The following CTDSPL variants were observed in gnomAD, a reference collection of about 807,000 sequenced individuals.
CTDSPL encodes the protein CTD small phosphatase-like protein.
Under a neutral mutation model 30.5 loss-of-function variants are expected in CTDSPL, and 8 were observed. The ratio of observed to expected loss-of-function variants is 0.26; its 90% confidence interval spans 0.15 to 0.47. The LOEUF (loss-of-function observed/expected upper bound fraction) is 0.47, where lower values mean the gene tolerates loss of function less well. Among genes scored for constraint, CTDSPL ranks in the 20% least tolerant of loss-of-function variants. The pLI is 0.99. For missense variants in CTDSPL, 248 were observed against 366.1 expected (o/e 0.68, Z 2.63); for synonymous variants, 110 against 137.9 (o/e 0.80, Z 1.42).
intron 1 of CTDSPL, among the ~76,000 whole-genome samples, chr3:37,880,688 A>C (rs1034728280): frequency 3.9e-5 from 6 of 152,230 alleles, no homozygotes; most frequent in African/African-American, 1.4e-4. Flanking sequence ...GAGAAATGAT[A>C]GGCCTCACTC....
At chr3:37,952,277 C>T (rs955414493) in intron 2 of CTDSPL, among the ~76,000 whole-genome samples, 2 of 152,124 alleles carry the variant, frequency 1.3e-5, no homozygotes, top group Non-Finnish European at 2.9e-5. Context: ...CAAATAATAG[C>T]TTAGACAAAT....
At chr3:37,867,226 G>A (rs1698020473) in intron 1 of CTDSPL, among the ~76,000 whole-genome samples, 1 of 152,038 alleles carries the variant, frequency 6.6e-6, no homozygotes, top group South Asian at 2.1e-4. Flanking sequence ...TGATCTTTTG[G>A]AATTGCTTTT....
intron 1 of CTDSPL, among the ~76,000 whole-genome samples, chr3:37,892,732 A>G (rs536182012): frequency 3.9e-5 from 6 of 152,292 alleles, no homozygotes; most frequent in Middle Eastern, 3.4e-3. Context: ...GAGCAATTGC[A>G]CTTTCCCTAC....
intron 1 of CTDSPL, among the ~76,000 whole-genome samples, chr3:37,930,997 T>C (rs1392159653): frequency 6.6e-6 from 1 of 152,200 alleles, no homozygotes; most frequent in Non-Finnish European, 1.5e-5. Flanking sequence ...TGGCTACTTT[T>C]GCTCTCTTTT....
chr3:37,925,152 C>G (rs1421452210), intron 1 of CTDSPL, among the ~76,000 whole-genome samples: 1 of 152,154 alleles, frequency 6.6e-6, no homozygotes, highest in Non-Finnish European at 1.5e-5. Flanking sequence ...TGCCCCCATC[C>G]TCTCTCCCCA....
Position 37,933,339 on chromosome 3 carries a change from C to T in CTDSPL, c.80-13718C>T, listed in dbSNP as rs60922093. On this transcript the variant is annotated intron_variant, in intron 1 of 7. Transcript: ENST00000273179. ...CTTCCAGTTCTGTCTTCTATTTTCC[C>T]GATTTCTCTCCCAGGGGACAACCAG... 7.9e-3 allele frequency among the ~76,000 whole-genome samples: 1,206 copies of T among 152,144 alleles called. 14 individuals carry two copies. The highest frequency in any genetic ancestry group is 0.027 in the African/African-American group (1,115 of 41,530).
At chr3:37,947,396 T>A (rs893818597) in intron 2 of CTDSPL, among the ~76,000 whole-genome samples, 185 bp downstream of exon 2, 9 of 151,952 alleles carry the variant, frequency 5.9e-5, no homozygotes, top group Non-Finnish European at 1.2e-4. Context: ...CCATCTCTAC[T>A]AAAAATACAA....
chr3:37,890,222 A>C (rs1379595013), intron 1 of CTDSPL, among the ~76,000 whole-genome samples: 3 of 152,226 alleles, frequency 2.0e-5, no homozygotes, highest in African/African-American at 7.2e-5. Flanking sequence ...TTAAGGCAGG[A>C]TATTTGGAAA....
chr3:37,892,444 T>C (rs1161035340), intron 1 of CTDSPL, among the ~76,000 whole-genome samples: 3 of 152,222 alleles, frequency 2.0e-5, no homozygotes, highest in African/African-American at 7.2e-5. Flanking sequence ...TCTTATAACA[T>C]ATTTTTTTAA....
intron 2 of CTDSPL, among the ~76,000 whole-genome samples, chr3:37,947,975 T>C (rs1213088849): frequency 6.6e-6 from 1 of 152,178 alleles, no homozygotes; most frequent in Non-Finnish European, 1.5e-5. Context: ...ACAAAGTTAC[T>C]CAGAACAGTT....
intron 2 of CTDSPL, among the ~76,000 whole-genome samples, chr3:37,948,856 C>T (rs1413223333): frequency 1.4e-5 from 2 of 140,396 alleles, no homozygotes; most frequent in East Asian, 4.0e-4. Context: ...CTCTGTCGCC[C>T]AGGCCGGACT....
chr3:37,960,495 A>ATAAAT (rs1394185254), intron 3 of CTDSPL, among the ~76,000 whole-genome samples: 3 of 60,378 alleles, frequency 5.0e-5, no homozygotes, highest in African/African-American at 2.3e-4. Flanking sequence ...AAAAAAAAAA[A>ATAAAT]AAAAAAAAAA....
intron 1 of CTDSPL, among the ~76,000 whole-genome samples, chr3:37,886,641 A>G (rs746429946): frequency 5.9e-5 from 9 of 152,224 alleles, no homozygotes; most frequent in East Asian, 3.8e-4. Flanking sequence ...TCAACCAGCA[A>G]TCCATTAGAG....
intron 1 of CTDSPL, among the ~76,000 whole-genome samples, chr3:37,893,216 C>G (rs1034669779): frequency 1.3e-5 from 2 of 152,178 alleles, no homozygotes; most frequent in African/African-American, 2.4e-5. Context: ...TAGTTAATAA[C>G]TGTGTTTGGC....
At chr3:37,974,446 CAG>C (rs1014994801) in intron 6 of CTDSPL, among the ~76,000 whole-genome samples, 2 of 152,386 alleles carry the variant, frequency 1.3e-5, no homozygotes, top group South Asian at 2.1e-4. Flanking sequence ...GCCTCCCTGG[CAG>C]AGTCACTGGG....
At position 37,971,418 on chromosome 3, in the gene CTDSPL, G is replaced by A. The variant is rs746336587; in HGVS notation, c.438G>A (p.Leu146=). 15 of 1,613,956 alleles carry A rather than the reference G, an allele frequency of 9.3e-6. No individual in the cohort carries two copies. Among genetic ancestry groups the A allele is most frequent in the Non-Finnish European group, 1.2e-5 (14 of 1,179,994 alleles). ...TCCTGCCATTGCAGGTGTATGTGCT[G>A]AAGCGGCCACATGTGGACGAGTTCC... is the stretch of plus-strand genomic sequence containing the variant. ...IDGTIHQVYV[L]KRPHVDEFLQ... The change falls in exon 6 of 8, where the codon CTG becomes CTA. Residue 146 remains leucine (L), a synonymous_variant. Transcript: ENST00000273179.
chr3:37,893,898 T>G (rs565471772), intron 1 of CTDSPL, among the ~76,000 whole-genome samples: 2 of 152,356 alleles, frequency 1.3e-5, no homozygotes, highest in East Asian at 1.9e-4. Context: ...TTTTAATTAC[T>G]CTTAATTTTT....
chr3:37,951,873 CAT>C (rs1699113572), intron 2 of CTDSPL, among the ~76,000 whole-genome samples: 1 of 152,230 alleles, frequency 6.6e-6, no homozygotes, highest in African/African-American at 2.4e-5. Flanking sequence ...GCAAACATAA[CAT>C]AAATAATAGT....
At chr3:37,963,233 T>G (rs9870485) in intron 3 of CTDSPL, among the ~76,000 whole-genome samples, 1 of 152,218 alleles carries the variant, frequency 6.6e-6, no homozygotes, top group South Asian at 2.1e-4. Flanking sequence ...AATGCTTATG[T>G]CTCCACACGT....
Sources: gnomAD v4.1 joint callset for allele counts (sites outside exome capture counted in the v4.1 genomes callset) on GRCh38, gnomAD v4.1.1 for gene constraint, MANE v1.5 for transcripts, NCBI Gene and HGNC (gene_info 2026-07-23, HGNC 2026-07-21) for gene names.